Variants in KIF21B observed in about 807,000 individuals in gnomAD.
KIF21B encodes kinesin-like protein KIF21B.
KIF21B carries 85 observed loss-of-function variants against 192.9 expected under a neutral mutation model. The observed-to-expected ratio is 0.44, with a 90% confidence interval of 0.37 to 0.53. The LOEUF (loss-of-function observed/expected upper bound fraction) is 0.53. Ranked by LOEUF, KIF21B falls within the 20% of genes least tolerant of loss-of-function variation. The pLI, the probability that KIF21B is intolerant of heterozygous loss-of-function variation, is 0.00. For missense variants in KIF21B, 1,716 were observed against 2,194.8 expected (o/e 0.78, Z 4.36); for synonymous variants, 832 against 884.6 (o/e 0.94, Z 1.05).
intron 31 of KIF21B, 67 bp downstream of exon 31, chr1:200,977,145 G>A (rs1486946922): frequency 2.3e-5 from 36 of 1,550,610 alleles, no homozygotes; most frequent in Non-Finnish European, 2.8e-5. Context: ...GGGTCCCCCT[G>A]AACCAAGACC....
Position 200,991,666 on chromosome 1 carries a change from C to A in KIF21B, c.2445G>T (p.Lys815Asn). 1.9e-6 allele frequency: 3 copies of A among 1,614,066 alleles called. No individual in the cohort carries two copies. Among genetic ancestry groups the A allele is most frequent in the Non-Finnish European group, 1.7e-6 (2 of 1,180,024 alleles). ...CCTCGAGTGAGCTCACCTCCTGGGTCTTCCTCCTCAGGACCATCTCCTGCT... is the reference window on the plus strand; with the variant it reads ...CCTCGAGTGAGCTCACCTCCTGGGTATTCCTCCTCAGGACCATCTCCTGCT... Reference protein sequence around the residue: ...KRQQEMVLRRKTQEVSALRRL... With the variant: ...KRQQEMVLRRNTQEVSALRRL... The change falls in exon 17 of 35, where the codon AAG becomes AAT. Residue 815 changes from lysine to asparagine, a missense_variant. Lys to Asn is a moderately conservative substitution (Grantham distance 94, BLOSUM62 0). Coordinates refer to ENST00000461742, the MANE Select transcript of KIF21B (RefSeq NM_001252102.2).
Position 201,008,807 on chromosome 1 carries a change from C to A in KIF21B, c.409G>T (p.Ala137Ser). The A allele has an allele frequency of 6.2e-7, 1 of 1,604,802 alleles. No individual in the cohort carries two copies. ...RKRRAQEQGV[A>S]GPEFKVSAQF... is the part of the protein sequence containing the mutation. Reference sequence around the variant, plus strand: ...GCGCTGACTTTGAACTCAGGTCCAGCCACGCCCTGCTCCTGTGCCCGGCGC... The same window carrying A: ...GCGCTGACTTTGAACTCAGGTCCAGACACGCCCTGCTCCTGTGCCCGGCGC... The change falls in exon 3 of 35, where the codon GCT (alanine) becomes TCT (serine). Residue 137 changes from alanine to serine, a missense_variant. Physicochemically the swap from Ala to Ser is moderately conservative, Grantham distance 99. Transcript: ENST00000461742.
intron 34 of KIF21B, among the ~76,000 whole-genome samples, chr1:200,974,384 C>G (rs1571905059): frequency 6.6e-6 from 1 of 151,998 alleles, no homozygotes; most frequent in African/African-American, 2.4e-5. Flanking sequence ...TGGTCTGGGG[C>G]TGGCAGGGCT....
chr1:200,986,821 C>A, intron 26 of KIF21B, 23 bp downstream of exon 26: 3 of 1,595,238 alleles, frequency 1.9e-6, no homozygotes, highest in Non-Finnish European at 2.6e-6. Flanking sequence ...GACTCTGGAG[C>A]AGATTCTAGA....
intron 5 of KIF21B, 59 bp from the exon 6 acceptor site, chr1:201,004,992 A>C: frequency 6.4e-7 from 1 of 1,551,750 alleles, no homozygotes; most frequent in Non-Finnish European, 8.8e-7. Flanking sequence ...GGCTCCCCTG[A>C]TCACAGTACT....
At position 200,992,538 on chromosome 1, in the gene KIF21B, G is replaced by A. The variant is rs1656772018; in HGVS notation, c.2278-149C>T. ...CAGGGCCTGGGGGTCTGAAGTGAGGGGTTCTACCTCCCACTCCTCCATAGG... is the reference window on the plus strand; with the variant it reads ...CAGGGCCTGGGGGTCTGAAGTGAGGAGTTCTACCTCCCACTCCTCCATAGG... On this transcript the variant is annotated intron_variant, in intron 15 of 34. Transcript: ENST00000461742. 10 of 801,492 alleles carry A rather than the reference G, an allele frequency of 1.2e-5. No individual in the cohort carries two copies. The South Asian group carries it at 1.6e-4, about 13-fold the overall frequency. The allele number at this position is 801,492 out of a possible 1,614,324, so 49.6% of individuals were successfully genotyped here.
intron 3 of KIF21B, among the ~76,000 whole-genome samples, chr1:201,006,633 T>G (rs1030095844): frequency 2.0e-5 from 3 of 152,162 alleles, no homozygotes; most frequent in Non-Finnish European, 4.4e-5. Flanking sequence ...CACTATCATT[T>G]GACCTCTTGT....
In KIF21B at chr1:200,992,335, T is replaced by C; in HGVS notation, c.2332A>G (p.Thr778Ala). The C allele has an allele frequency of 1.2e-6, 2 of 1,613,216 alleles. No homozygotes were observed. The highest frequency in any genetic ancestry group is 1.7e-6 in the Non-Finnish European group (2 of 1,180,034). Reference sequence around the variant, plus strand: ...TGTGCGATCTCCCGGTTCCTCTTGGTCTCCACTAGCCGCCGCCGCTGTTGC... The same window carrying C: ...TGTGCGATCTCCCGGTTCCTCTTGGCCTCCACTAGCCGCCGCCGCTGTTGC... ...EEQQRRRLVE[T>A]KRNREIAQLK... Residue 778 changes from threonine (T) to alanine (A), a missense_variant, in exon 16 of 35, where the codon ACC becomes GCC. Transcript: ENST00000461742.
chr1:201,004,708 G>A (rs1657701425), intron 6 of KIF21B, 58 bp downstream of exon 6: 1 of 1,603,854 alleles, frequency 6.2e-7, no homozygotes. Flanking sequence ...CAGGGCCTTG[G>A]AGGGGTCTGA....
At chr1:200,973,612 C>T (rs1261607010) in intron 34 of KIF21B, 34 bp from the exon 35 acceptor site, 2 of 1,523,458 alleles carry the variant, frequency 1.3e-6, no homozygotes, top group Non-Finnish European at 1.7e-6. Context: ...GGGTGCCGGT[C>T]AGCTCTTGCA....
chr1:200,987,987 G>T (rs930638525), intron 24 of KIF21B, among the ~76,000 whole-genome samples: 1 of 152,180 alleles, frequency 6.6e-6, no homozygotes, highest in African/African-American at 2.4e-5. Context: ...ATCATGGGTG[G>T]GGGAAAGGGG....
chr1:200,976,709 GC>G, intron 32 of KIF21B, 66 bp downstream of exon 32: 1 of 1,009,788 alleles, frequency 9.9e-7, no homozygotes, highest in East Asian at 2.5e-5. Context: ...TACTCCCAGG[GC>G]AACAGAGGGC....
At position 200,973,000 on chromosome 1, in the gene KIF21B, G is replaced by C. The variant is rs1427715249; in HGVS notation, c.*521C>G. 1 of 153,750 alleles carries C rather than the reference G, an allele frequency of 6.5e-6. No homozygotes were observed. The highest frequency in any genetic ancestry group is 1.5e-5 in the Non-Finnish European group (1 of 68,844). The allele number at this position is 153,750 out of a possible 1,614,324, so 9.5% of individuals were successfully genotyped here. A position where few individuals can be genotyped will look rare whatever the true frequency, so the allele number is the denominator to read the frequency against. ...GGGGCTATCTGCGGGTTGCCAGAGG[G>C]TTAAGGGTTAGCTGCAAGGCCCAGC... On this transcript the variant is annotated 3_prime_UTR_variant, in exon 35 of 35. Coordinates refer to ENST00000461742, the MANE Select transcript of KIF21B (RefSeq NM_001252102.2).
chr1:200,990,117 C>G lies in KIF21B; in HGVS notation c.3030+21G>C, dbSNP rs372397556. On this transcript the variant is annotated intron_variant, in intron 20 of 34. Transcript: ENST00000461742. This position sits in a 1 kb window ranked among gnomAD's most constrained non-coding sequence, Gnocchi z 5.4. ...CCCATCTCTCCCGCCTCCGCCCCAG[C>G]AGGCCCAGCCCTGCGGATACCTTGG... 5.0e-6 allele frequency: 8 copies of G among 1,610,780 alleles called. No individual in the cohort carries two copies. In the African/African-American group the frequency reaches 1.1e-4, roughly 22 times the overall value.
rs747758276 is a variant in KIF21B at position 200,998,463 on chromosome 1, C to T, written c.1998G>A (p.Gln666=). ...GCAGCAGAATCAGCTTTTCCTCATACTGGTGCTTGAGCGTCTGCAACCGCC... is the reference window on the plus strand; with the variant it reads ...GCAGCAGAATCAGCTTTTCCTCATATTGGTGCTTGAGCGTCTGCAACCGCC... The part of the protein sequence containing the change: ...SQRRLQTLKH[Q]YEEKLILLQN... The change falls in exon 14 of 35, where the codon CAG becomes CAA. Residue 666 remains glutamine, a synonymous_variant. Transcript: ENST00000461742. The surrounding 1 kb of genome is among the most constrained non-coding windows in gnomAD (Gnocchi z 4.3). 2 of 1,614,134 alleles carry T rather than the reference C, an allele frequency of 1.2e-6. No individual in the cohort carries two copies. Among genetic ancestry groups the T allele is most frequent in the East Asian group, 4.5e-5 (2 of 44,884 alleles).
rs748835233 is a variant in KIF21B at position 200,986,838 on chromosome 1, T to A, written c.3689+6A>T. On this transcript the variant is annotated splice_donor_region_variant and intron_variant, in intron 26 of 34. Coordinates refer to ENST00000461742, the MANE Select transcript of KIF21B (RefSeq NM_001252102.2). ...CTCTGGAGCAGATTCTAGAACATGA[T>A]CTCACCTAATGGGCTGCCCTCGGTC... 1 of 1,609,656 alleles carries A rather than the reference T, an allele frequency of 6.2e-7. No individual in the cohort carries two copies. The highest frequency in any genetic ancestry group is 8.5e-7 in the Non-Finnish European group (1 of 1,177,456).
At chr1:201,018,209 C>G (rs1429408491) in intron 1 of KIF21B, among the ~76,000 whole-genome samples, 1 of 152,168 alleles carries the variant, frequency 6.6e-6, no homozygotes, top group African/African-American at 2.4e-5. Flanking sequence ...AGGTGGGGGG[C>G]CAGCAAAAGA....
At position 201,005,300 on chromosome 1, in the gene KIF21B, C is replaced by T; in HGVS notation, c.732+8G>A. The T allele has an allele frequency of 1.3e-6, 2 of 1,582,966 alleles. No homozygotes were observed. The highest frequency in any genetic ancestry group is 1.7e-6 in the Non-Finnish European group (2 of 1,164,022). On this transcript the variant is annotated splice_region_variant and intron_variant, in intron 5 of 34. Transcript: ENST00000461742. ...AGCTGGCTCCTGGGCCCCCTGCAGG[C>T]TCCTCACCAGGTCGGGCTGGGTGCA... is the stretch of plus-strand genomic sequence containing the variant.
chr1:201,007,743 T>C (rs764298068), intron 3 of KIF21B, among the ~76,000 whole-genome samples: 2 of 134,222 alleles, frequency 1.5e-5, no homozygotes, highest in South Asian at 2.4e-4. Flanking sequence ...CACACACACA[T>C]ACACAGATGC....
Sources: allele counts gnomAD v4.1 joint callset (sites outside exome capture counted in the v4.1 genomes callset), GRCh38; gene constraint gnomAD v4.1.1; non-coding constraint Gnocchi (gnomAD v3.1); transcripts MANE v1.5; gene names NCBI Gene and HGNC (gene_info 2026-07-23, HGNC 2026-07-21).